RIMS1: variants seen among roughly 807,000 people sequenced by gnomAD.
RIMS1 encodes regulating synaptic membrane exocytosis protein 1.
A neutral mutation model predicts 214.1 loss-of-function variants in RIMS1; 83 were observed. The ratio of observed to expected loss-of-function variants is 0.39; its 90% confidence interval spans 0.32 to 0.47. The LOEUF is 0.47. Ranked by LOEUF, RIMS1 falls within the 20% of genes least tolerant of loss-of-function variation. The pLI is 0.99. For synonymous variants in RIMS1, 793 were observed against 786.8 expected, an observed-to-expected ratio of 1.01 and a Z score of -0.13; for missense variants, 2,050 against 2,161.8, an observed-to-expected ratio of 0.95 and a Z score of 1.03.
At chr6:72,062,155 T>C (rs564481261) in intron 2 of RIMS1, among the ~76,000 whole-genome samples, 1 of 152,304 alleles carries the variant, frequency 6.6e-6, no homozygotes, top group South Asian at 2.1e-4. Context: ...AGGGGTTTTT[T>C]CTATTTATTT....
chr6:72,008,654 A>G (rs746932332), intron 2 of RIMS1, among the ~76,000 whole-genome samples: 34 of 152,332 alleles, frequency 2.2e-4, no homozygotes, highest in Middle Eastern at 6.8e-3. Flanking sequence ...GGAAAACAAA[A>G]AAAGGCAGGG....
intron 1 of RIMS1, among the ~76,000 whole-genome samples, chr6:71,918,240 C>A (rs1779008470): frequency 6.6e-6 from 1 of 151,950 alleles, no homozygotes; most frequent in Admixed American, 6.6e-5. Flanking sequence ...GATGCAGAGC[C>A]AGTAGAGGAG....
chr6:71,888,121 G>A (rs1478050101), intron 1 of RIMS1, among the ~76,000 whole-genome samples: 1 of 152,214 alleles, frequency 6.6e-6, no homozygotes, highest in African/African-American at 2.4e-5. Flanking sequence ...GCAGGAGTGT[G>A]TGACACTGTG....
rs182990916 is a variant in RIMS1 at position 72,295,433 on chromosome 6, A to G, written c.3850+3387A>G. Among the ~76,000 whole-genome samples the G allele has an allele frequency of 2.4e-3, 360 of 151,974 alleles. 2 individuals are homozygous for G. The highest frequency in any genetic ancestry group is 3.5e-3 in the Non-Finnish European group (239 of 67,762). On this transcript the variant is annotated intron_variant, in intron 26 of 33. Coordinates refer to ENST00000521978, the MANE Select transcript of RIMS1 (RefSeq NM_014989.7). The stretch of plus-strand genomic sequence containing the variant: ...GTTTCCGTGGTGCAAACAAAGTGTA[A>G]AAATGGAATTTATTTTTTGCTTATC...
At chr6:72,145,019 A>G (rs2042558179) in intron 4 of RIMS1, among the ~76,000 whole-genome samples, 1 of 151,832 alleles carries the variant, frequency 6.6e-6, no homozygotes, top group African/African-American at 2.4e-5. Context: ...TGAGTAGCAT[A>G]ATTTTTCTCT....
At chr6:72,400,203 A>G (rs1468312604) in intron 33 of RIMS1, among the ~76,000 whole-genome samples, 1 of 152,140 alleles carries the variant, frequency 6.6e-6, no homozygotes, top group Non-Finnish European at 1.5e-5. Context: ...CATTCATATA[A>G]AAATACTCTT....
chr6:72,235,740 G>T lies in RIMS1; in HGVS notation c.1857+12G>T. 1 of 1,516,098 alleles carries T rather than the reference G, an allele frequency of 6.6e-7. No individual in the cohort carries two copies. The highest frequency in any genetic ancestry group is 9.0e-7 in the Non-Finnish European group (1 of 1,108,994). 93.9% of individuals were successfully genotyped at this position (1,516,098 alleles called of 1,614,324 possible). Reference sequence around the variant, plus strand: ...TGCTGGGTCTGAAAGTAAGTATGCTGGTTTAAAATGTTTCTTAAAGGGTGA... The same window carrying T: ...TGCTGGGTCTGAAAGTAAGTATGCTTGTTTAAAATGTTTCTTAAAGGGTGA... On this transcript the variant is annotated intron_variant, in intron 8 of 33. Coordinates refer to ENST00000521978, the MANE Select transcript of RIMS1 (RefSeq NM_014989.7).
intron 1 of RIMS1, among the ~76,000 whole-genome samples, chr6:71,957,323 G>C (rs1791580173): frequency 6.6e-6 from 1 of 152,178 alleles, no homozygotes. Context: ...AGCTTTTCAA[G>C]AGCAAAGTTA....
intron 10 of RIMS1, among the ~76,000 whole-genome samples, chr6:72,243,770 TC>T (rs1328577654): frequency 4.6e-5 from 7 of 151,674 alleles, no homozygotes; most frequent in Non-Finnish European, 7.4e-5. Context: ...TAAGAAGTAA[TC>T]ATCTGCACAG....
At chr6:72,078,594 AC>A (rs1221846081) in intron 2 of RIMS1, among the ~76,000 whole-genome samples, 5 of 152,152 alleles carry the variant, frequency 3.3e-5, no homozygotes, top group African/African-American at 1.2e-4. Context: ...AGGTTGCTAT[AC>A]CAAACCTATC....
At chr6:72,087,933 A>G (rs964266083) in intron 2 of RIMS1, among the ~76,000 whole-genome samples, 27 of 152,176 alleles carry the variant, frequency 1.8e-4, no homozygotes, top group South Asian at 1.4e-3. Context: ...AGCTGAACCA[A>G]TTGAGATGTC....
intron 29 of RIMS1, among the ~76,000 whole-genome samples, chr6:72,378,807 C>T (rs1052465736): frequency 6.6e-6 from 1 of 152,154 alleles, no homozygotes; most frequent in African/African-American, 2.4e-5. Flanking sequence ...CCACTTCACT[C>T]CAGCCTGGGC....
Position 72,144,408 on chromosome 6 carries a change from A to G in RIMS1, c.472-35167A>G, listed in dbSNP as rs139501207. ...TGTCTTCATGAAATATCAGTGATGT[A>G]GTATTTTTCTTGGTCACTTTGCCCG... is the stretch of plus-strand genomic sequence containing the variant. On this transcript the variant is annotated intron_variant, in intron 4 of 33. Transcript: ENST00000521978. Among the ~76,000 whole-genome samples the G allele has an allele frequency of 2.9e-3, 439 of 152,338 alleles. 1 individual carries two copies. The highest frequency in any genetic ancestry group is 4.9e-3 in the Non-Finnish European group (334 of 68,038).
intron 4 of RIMS1, among the ~76,000 whole-genome samples, chr6:72,144,074 C>T (rs571103248): frequency 2.6e-5 from 4 of 152,240 alleles, no homozygotes; most frequent in South Asian, 2.1e-4. Flanking sequence ...TAGCAGCGAA[C>T]GCAGGCCCGT....
intron 2 of RIMS1, among the ~76,000 whole-genome samples, chr6:72,034,419 T>C (rs1030899186): frequency 6.6e-6 from 1 of 152,138 alleles, no homozygotes; most frequent in African/African-American, 2.4e-5. Context: ...ACAAGATATT[T>C]CCATGGTACA....
intron 1 of RIMS1, among the ~76,000 whole-genome samples, chr6:71,889,151 C>T (rs141335630): frequency 6.6e-6 from 1 of 152,152 alleles, no homozygotes; most frequent in Non-Finnish European, 1.5e-5. Flanking sequence ...CTGCTGCTTG[C>T]CAGAGTCCGG....
At chr6:72,312,973 T>C (rs1162841854) in intron 27 of RIMS1, among the ~76,000 whole-genome samples, 2 of 152,278 alleles carry the variant, frequency 1.3e-5, no homozygotes, top group East Asian at 3.9e-4. Flanking sequence ...TCTATATACA[T>C]TATATATTTT....
At chr6:72,341,305 G>C (rs1202610486) in intron 29 of RIMS1, among the ~76,000 whole-genome samples, 2 of 151,368 alleles carry the variant, frequency 1.3e-5, no homozygotes, top group Non-Finnish European at 3.0e-5. Context: ...CCTGGCCATT[G>C]ATTAAATGTT....
At position 72,058,669 on chromosome 6, in the gene RIMS1, GA is replaced by G. The variant is rs528174670; in HGVS notation, c.246-38278del. On this transcript the variant is annotated intron_variant, in intron 2 of 33. Transcript: ENST00000521978. Reference sequence around the variant, plus strand: ...GTTCCTCCCCAAAGACCTTTTTCTTGAATTATTGACAGCAGGTCTGTGGACC... The same window carrying G: ...GTTCCTCCCCAAAGACCTTTTTCTTGATTATTGACAGCAGGTCTGTGGACC... 3.5e-4 allele frequency among the ~76,000 whole-genome samples: 54 copies of G among 152,244 alleles called. No homozygotes were observed. In the South Asian group the frequency reaches 0.011, roughly 30 times the overall value.
Sources: gnomAD v4.1 joint callset for allele counts (sites outside exome capture counted in the v4.1 genomes callset) on GRCh38, gnomAD v4.1.1 for gene constraint, MANE v1.5 for transcripts, NCBI Gene and HGNC (gene_info 2026-07-23, HGNC 2026-07-21) for gene names.